UNC13C: variants seen among roughly 807,000 people sequenced by gnomAD.
The protein encoded by UNC13C is protein unc-13 homolog C.
A neutral mutation model predicts 245.4 loss-of-function variants in UNC13C; 174 were observed. The observed-to-expected ratio is 0.71, with a 90% CI of 0.63 to 0.80. The LOEUF (loss-of-function observed/expected upper bound fraction) is 0.80, where lower values mean the gene tolerates loss of function less well. Among genes scored for constraint, UNC13C ranks in the 30% least tolerant of loss-of-function variants. The pLI, the probability that UNC13C is intolerant of heterozygous loss-of-function variation, is 0.00. For missense variants in UNC13C, 2,829 were observed against 2,602.9 expected (o/e 1.09, Z -1.89); for synonymous variants, 992 against 895.1 (o/e 1.11, Z -1.93).
chr15:54,215,824 C>T (rs182269242), intron 4 of UNC13C, among the ~76,000 whole-genome samples: 1 of 152,066 alleles, frequency 6.6e-6, no homozygotes, highest in East Asian at 1.9e-4. Flanking sequence ...TATTTGTCCT[C>T]CAATCCATCA....
intron 7 of UNC13C, among the ~76,000 whole-genome samples, chr15:54,242,687 G>T (rs2035885368): frequency 6.6e-6 from 1 of 151,958 alleles, no homozygotes; most frequent in African/African-American, 2.4e-5. Flanking sequence ...TATAGTTATT[G>T]ATTTTAATGG....
At chr15:54,126,246 A>G (rs909500069) in intron 2 of UNC13C, among the ~76,000 whole-genome samples, 2 of 152,176 alleles carry the variant, frequency 1.3e-5, no homozygotes, top group African/African-American at 4.8e-5. Flanking sequence ...CTTAATCCAA[A>G]TGTAATGGTA....
chr15:54,222,945 T>C (rs2035270958), intron 4 of UNC13C, among the ~76,000 whole-genome samples: 1 of 152,116 alleles, frequency 6.6e-6, no homozygotes. Flanking sequence ...GATTATTAGA[T>C]TTTTTTCTAT....
At chr15:54,261,522 GTTTGT>G (rs10582681) in intron 8 of UNC13C, among the ~76,000 whole-genome samples, 41,184 of 150,476 alleles carry the variant, frequency 0.27, 6,964 homozygotes, top group African/African-American at 0.48. Context: ...ATTTTTGTTT[GTTTGT>G]TTTGTTTTGT....
intron 19 of UNC13C, among the ~76,000 whole-genome samples, chr15:54,435,090 G>C (rs1171199637): frequency 1.3e-5 from 2 of 152,106 alleles, no homozygotes; most frequent in Non-Finnish European, 2.9e-5. Context: ...ACAGACGCTG[G>C]CGTAGATGTG....
At chr15:54,411,936 T>C (rs2040424366) in intron 18 of UNC13C, among the ~76,000 whole-genome samples, 1 of 152,118 alleles carries the variant, frequency 6.6e-6, no homozygotes, top group African/African-American at 2.4e-5. Context: ...ATACAATATA[T>C]TGATTTAGGC....
chr15:54,463,272 G>GT (rs1351898815), intron 19 of UNC13C, among the ~76,000 whole-genome samples: 1 of 55,066 alleles, frequency 1.8e-5, no homozygotes, highest in Non-Finnish European at 3.7e-5. Flanking sequence ...GGGCGGGGGG[G>GT]GGGGGGGGGG....
chr15:54,250,760 T>TTG (rs2036129320), intron 8 of UNC13C, among the ~76,000 whole-genome samples: 2 of 128,744 alleles, frequency 1.6e-5, no homozygotes, highest in African/African-American at 6.0e-5. Flanking sequence ...TTTTTTTTTT[T>TTG]TTTTTTTTTT....
chr15:54,054,097 A>G (rs1231591686), intron 2 of UNC13C, among the ~76,000 whole-genome samples: 1 of 152,160 alleles, frequency 6.6e-6, no homozygotes, highest in East Asian at 1.9e-4. Context: ...GGGAGTGCAG[A>G]TATCTCTTAA....
chr15:54,539,485 T>G (rs953724445), intron 26 of UNC13C, among the ~76,000 whole-genome samples: 2 of 152,040 alleles, frequency 1.3e-5, no homozygotes, highest in African/African-American at 4.8e-5. Flanking sequence ...ATACATTCTC[T>G]GGACATTTTT....
At chr15:54,632,159 C>A (rs930039780), downstream of UNC13C, 1 of 152,138 alleles carries the variant, frequency 6.6e-6, no homozygotes, top group Non-Finnish European at 1.5e-5. Context: ...ATCTGCAAAT[C>A]TTTTGCCCAT....
chr15:54,322,305 A>G lies in UNC13C; in HGVS notation c.4425+210A>G, dbSNP rs80189646. ...AGAATTTTCATTAGATTGAATCTTC[A>G]TATCTTAAAGGATCTTTTTCAGTGA... On this transcript the variant is annotated intron_variant, in intron 14 of 32. Coordinates refer to ENST00000260323, the MANE Select transcript of UNC13C (RefSeq NM_001080534.3). Among the ~76,000 whole-genome samples, 958 of 152,188 alleles carry G rather than the reference A, an allele frequency of 6.3e-3. 10 individuals are homozygous for G. The highest frequency in any genetic ancestry group is 0.022 in the African/African-American group (914 of 41,558).
At chr15:54,237,900 C>A (rs1001753470) in intron 7 of UNC13C, among the ~76,000 whole-genome samples, 4 of 152,116 alleles carry the variant, frequency 2.6e-5, no homozygotes, top group African/African-American at 4.8e-5. Context: ...ACCTTCCTAT[C>A]TTTACAAATG....
At chr15:54,053,395 C>A (rs531574637) in intron 2 of UNC13C, among the ~76,000 whole-genome samples, 5 of 152,060 alleles carry the variant, frequency 3.3e-5, no homozygotes, top group Admixed American at 2.0e-4. Context: ...TGCAAAAATA[C>A]GAATGTAAAT....
intron 13 of UNC13C, chr15:54,321,221 C>A: frequency 4.1e-6 from 2 of 489,472 alleles, no homozygotes; most frequent in South Asian, 3.0e-5. Context: ...GAGCCATGGT[C>A]ATCAAAGGTT....
At chr15:54,507,655 A>G (rs1894532807) in intron 23 of UNC13C, among the ~76,000 whole-genome samples, 1 of 152,080 alleles carries the variant, frequency 6.6e-6, no homozygotes, top group Non-Finnish European at 1.5e-5. Context: ...TAGCTTTTTT[A>G]GATGATTGAG....
At chr15:54,190,136 C>G (rs1207086887) in intron 4 of UNC13C, among the ~76,000 whole-genome samples, 1 of 152,114 alleles carries the variant, frequency 6.6e-6, no homozygotes, top group African/African-American at 2.4e-5. Context: ...TTAACCAACC[C>G]TACAAGTTGG....
chr15:54,067,617 G>T (rs562581532), intron 2 of UNC13C, among the ~76,000 whole-genome samples: 2 of 152,266 alleles, frequency 1.3e-5, no homozygotes, highest in South Asian at 4.1e-4. Flanking sequence ...TTACAGTTTC[G>T]ATAGATATAT....
intron 2 of UNC13C, among the ~76,000 whole-genome samples, chr15:54,137,545 G>C (rs1457086264): frequency 6.6e-6 from 1 of 152,070 alleles, no homozygotes; most frequent in African/African-American, 2.4e-5. Flanking sequence ...TTATGATTCA[G>C]TATTGGTAGG....
Sources: gnomAD v4.1 joint callset for allele counts (sites outside exome capture counted in the v4.1 genomes callset) on GRCh38, gnomAD v4.1.1 for gene constraint, MANE v1.5 for transcripts, NCBI Gene and HGNC (gene_info 2026-07-23, HGNC 2026-07-21) for gene names.